Variants in MYBPC1 observed in about 807,000 individuals in gnomAD.
The protein encoded by MYBPC1 is myosin binding protein C1.
In MYBPC1, 52 loss-of-function variants were observed where a neutral mutation model predicts 147.1. That is an observed-to-expected ratio of 0.35 (90% confidence interval 0.28 to 0.45). MYBPC1 has a LOEUF of 0.45. Among genes scored for constraint, MYBPC1 ranks in the 20% least tolerant of loss-of-function variants. MYBPC1 has a pLI of 1.00. For missense variants in MYBPC1, 1,228 were observed against 1,440.3 expected (o/e 0.85, Z 2.39); for synonymous variants, 477 against 475.9 (o/e 1.00, Z -0.03).
chr12:101,616,268 C>A (rs1487416609), intron 2 of MYBPC1, among the ~76,000 whole-genome samples: 1 of 152,114 alleles, frequency 6.6e-6, no homozygotes, highest in Non-Finnish European at 1.5e-5. Flanking sequence ...GGTATGTTTT[C>A]TCCTTGCCCA....
intron 2 of MYBPC1, among the ~76,000 whole-genome samples, chr12:101,616,809 T>A (rs761938391): frequency 5.5e-4 from 84 of 152,206 alleles, no homozygotes; most frequent in Non-Finnish European, 8.5e-4. Context: ...CTTGGAATCA[T>A]TACATGGGGC....
At chr12:101,685,448 A>G (rs964661773) in intron 31 of MYBPC1, 134 bp from the exon 32 acceptor site, 1 of 672,250 alleles carries the variant, frequency 1.5e-6, no homozygotes, top group Non-Finnish European at 2.6e-6. Flanking sequence ...TTCCAAGTAG[A>G]GACTGAATGA....
chr12:101,653,295 G>C (rs769696492), intron 18 of MYBPC1, 47 bp downstream of exon 18: 1 of 1,605,876 alleles, frequency 6.2e-7, no homozygotes, highest in South Asian at 1.1e-5. Flanking sequence ...CACATATGCA[G>C]ACACACTGCC....
rs565448068 is a variant in MYBPC1, at chr12:101,610,375, C to T, written c.26-4121C>T. Among the ~76,000 whole-genome samples the T allele has an allele frequency of 5.9e-5, 9 of 152,278 alleles. No homozygotes were observed. In the South Asian group the frequency reaches 1.9e-3, roughly 32 times the overall value. On this transcript the variant is annotated intron_variant, in intron 1 of 31. Transcript: ENST00000361466. The stretch of plus-strand genomic sequence containing the variant: ...CACTTTACAGTAGGGGTATGAGGGA[C>T]TCACCTCTTCTGTCCAGTCCCCAGA...
rs746811946 is a variant in MYBPC1 at position 101,646,901 on chromosome 12, C to A, written c.1090+14C>A. The A allele has an allele frequency of 3.1e-6, 5 of 1,613,830 alleles. No homozygotes were observed. The highest frequency in any genetic ancestry group is 2.2e-5 in the East Asian group (1 of 44,878). On this transcript the variant is annotated intron_variant, in intron 13 of 31. Transcript: ENST00000361466. ...TCTTCGTAAGAGGTAAAAATGAAAT[C>A]TCTTATTGTGGTCACCAGGAGCTGT...
intron 22 of MYBPC1, chr12:101,666,922 C>G: frequency 2.5e-6 from 1 of 406,680 alleles, no homozygotes. Context: ...CACACACACA[C>G]ACACACATAC....
chr12:101,689,570 G>A (rs1330398836), downstream of MYBPC1, among the ~76,000 whole-genome samples: 1 of 151,880 alleles, frequency 6.6e-6, no homozygotes, highest in Non-Finnish European at 1.5e-5. Flanking sequence ...AGGAGAGGAA[G>A]CAAAGAAGAG....
In MYBPC1 at chr12:101,617,222, G is replaced by A. The variant is rs1886317659; in HGVS notation, c.82G>A (p.Ala28Thr). 6.2e-7 allele frequency: 1 copy of A among 1,613,684 alleles called. No individual in the cohort carries two copies. Among genetic ancestry groups the A allele is most frequent in the Non-Finnish European group, 8.5e-7 (1 of 1,179,834 alleles). Residue 28 changes from alanine (A) to threonine (T), a missense_variant, in exon 3 of 32, where the codon GCC becomes ACC. By Grantham distance (58) the Ala-to-Thr change is moderately conservative (BLOSUM62 0). Coordinates refer to ENST00000361466, the MANE Select transcript of MYBPC1 (RefSeq NM_002465.4). ...PPEEPSKEKEAGTTPAKDEEE... is the reference protein window; with the variant it reads ...PPEEPSKEKETGTTPAKDEEE... ...CACAGAACCAAGTAAAGAGAAGGAG[G>A]CCGGAACTACACCAGCAAAAGGTGA... is the stretch of plus-strand genomic sequence containing the variant.
Position 101,619,134 on chromosome 12 carries a change from C to T in MYBPC1, c.103+1891C>T, listed in dbSNP as rs140287816. ...CCCCAGTTGAGAAAGGAGCCCTGCACGAGCATAAACAGGATTGATGGGTGC... is the reference window on the plus strand; with the variant it reads ...CCCCAGTTGAGAAAGGAGCCCTGCATGAGCATAAACAGGATTGATGGGTGC... On this transcript the variant is annotated intron_variant, in intron 3 of 31. Transcript: ENST00000361466. Among the ~76,000 whole-genome samples the T allele has an allele frequency of 1.6e-4, 24 of 152,166 alleles. No homozygotes were observed. The East Asian group carries it at 2.5e-3, about 16-fold the overall frequency.
intron 3 of MYBPC1, among the ~76,000 whole-genome samples, chr12:101,621,098 TA>T (rs1243450823): frequency 1.3e-5 from 2 of 152,230 alleles, no homozygotes; most frequent in Admixed American, 1.3e-4. Flanking sequence ...TAGGTTCTTT[TA>T]CATCTGCAAT....
intron 3 of MYBPC1, among the ~76,000 whole-genome samples, chr12:101,617,593 T>G (rs545293302): frequency 2.3e-5 from 2 of 87,964 alleles, no homozygotes; most frequent in South Asian, 5.4e-4. Context: ...AATTACCCGG[T>G]TTTTTTTTAA....
chr12:101,678,946 G>A (rs1263782), intron 28 of MYBPC1, among the ~76,000 whole-genome samples: 37 of 151,936 alleles, frequency 2.4e-4, no homozygotes, highest in Non-Finnish European at 4.1e-4. Context: ...GGATCACTTG[G>A]TCAGGAGTTC....
intron 18 of MYBPC1, 49 bp downstream of exon 18, chr12:101,653,297 C>T: frequency 6.2e-7 from 1 of 1,605,678 alleles, no homozygotes; most frequent in Non-Finnish European, 8.5e-7. Context: ...CATATGCAGA[C>T]ACACTGCCTA....
chr12:101,636,910 A>T, intron 10 of MYBPC1, 182 bp downstream of exon 10: 1 of 600,960 alleles, frequency 1.7e-6, no homozygotes, highest in Non-Finnish European at 3.0e-6. Flanking sequence ...TAATCTTTTA[A>T]AGCCTTTAAC....
Position 101,631,590 on chromosome 12 carries a change from A to T in MYBPC1, c.309A>T (p.Ile103=), listed in dbSNP as rs886048829. 1.9e-5 allele frequency: 31 copies of T among 1,614,032 alleles called. No individual in the cohort carries two copies. The highest frequency in any genetic ancestry group is 5.0e-5 in the Admixed American group (3 of 60,008). ...TVKVGEDITF[I]AKVKAEDLLR... is the part of the protein sequence containing the mutation. ...TTCTAGGTGAAGATATCACCTTCAT[A>T]GCCAAAGTCAAGGCTGAAGATCTTC... The change falls in exon 7 of 32, where the codon ATA becomes ATT. Residue 103 remains isoleucine, a synonymous_variant. Coordinates refer to ENST00000361466, the MANE Select transcript of MYBPC1 (RefSeq NM_002465.4).
intron 18 of MYBPC1, 57 bp downstream of exon 18, chr12:101,653,305 C>T: frequency 6.3e-7 from 1 of 1,596,676 alleles, no homozygotes; most frequent in Non-Finnish European, 8.5e-7. Context: ...GACACACTGC[C>T]TACCCCACCC....
chr12:101,639,072 C>G (rs1001649297), intron 10 of MYBPC1, among the ~76,000 whole-genome samples: 10 of 152,290 alleles, frequency 6.6e-5, no homozygotes, highest in Admixed American at 6.5e-5. Context: ...GAAAGATCTT[C>G]CTGCTCTGAA....
chr12:101,620,241 G>A (rs1379686606), intron 3 of MYBPC1, among the ~76,000 whole-genome samples: 1 of 152,162 alleles, frequency 6.6e-6, no homozygotes, highest in East Asian at 1.9e-4. Context: ...ATACCAGGAG[G>A]CAATGCCTTT....
chr12:101,694,345 T>C, the MYBPC1 span, among the ~76,000 whole-genome samples: 2 of 152,340 alleles, frequency 1.3e-5, no homozygotes, highest in African/African-American at 4.8e-5. Context: ...ATAAGTAAAA[T>C]AATACTGTGT....
Sources: allele counts gnomAD v4.1 joint callset (sites outside exome capture counted in the v4.1 genomes callset), GRCh38; gene constraint gnomAD v4.1.1; transcripts MANE v1.5; gene names NCBI Gene and HGNC (gene_info 2026-07-23, HGNC 2026-07-21).